TBX5: variants seen among roughly 807,000 people sequenced by gnomAD.
TBX5 encodes T-box transcription factor 5.
In TBX5, 8 loss-of-function variants were observed where a neutral mutation model predicts 51.1. The observed-to-expected ratio is 0.16, with a 90% CI of 0.09 to 0.28. The LOEUF (loss-of-function observed/expected upper bound fraction) is 0.28, where lower values mean the gene tolerates loss of function less well. Among genes scored for constraint, TBX5 ranks in the 10% least tolerant of loss-of-function variants. The pLI, the probability that TBX5 is intolerant of heterozygous loss-of-function variation, is 1.00. For synonymous variants in TBX5, 302 were observed against 266.4 expected (o/e 1.13, Z -1.30); for missense variants, 589 against 671.7 (o/e 0.88, Z 1.36).
chr12:114,408,172 T>C, upstream of TBX5: 1 of 985,250 alleles, frequency 1.0e-6, no homozygotes, highest in South Asian at 4.7e-5. Flanking sequence ...GAGGTAAATT[T>C]CTCTCCGTCT....
chr12:114,367,495 CT>C (rs1167982927), intron 7 of TBX5, among the ~76,000 whole-genome samples: 1 of 152,158 alleles, frequency 6.6e-6, no homozygotes, highest in African/African-American at 2.4e-5. Context: ...TCCACATTCC[CT>C]TACCTTCAGA....
chr12:114,370,651 C>CTA (rs1869847217), intron 7 of TBX5, among the ~76,000 whole-genome samples: 1 of 151,614 alleles, frequency 6.6e-6, no homozygotes, highest in Non-Finnish European at 1.5e-5. Flanking sequence ...CTCTCTCTCT[C>CTA]TCTCTCTCTC....
chr12:114,374,877 G>A (rs1360584883), intron 7 of TBX5, among the ~76,000 whole-genome samples: 1 of 152,160 alleles, frequency 6.6e-6, no homozygotes, highest in Non-Finnish European at 1.5e-5. Context: ...ATAAAAAGAA[G>A]GAGGGAGGGA....
chr12:114,358,651 AT>A (rs1239708644), intron 8 of TBX5, among the ~76,000 whole-genome samples: 2 of 152,138 alleles, frequency 1.3e-5, no homozygotes, highest in African/African-American at 4.8e-5. Flanking sequence ...TGTACCAAAA[AT>A]AAAAAAAAAA....
rs1262970772 is a variant in TBX5, at chr12:114,355,376, T to C, written c.*156A>G. 3 of 917,654 alleles carry C rather than the reference T, an allele frequency of 3.3e-6. No individual in the cohort carries two copies. The highest frequency in any genetic ancestry group is 5.2e-6 in the Non-Finnish European group (3 of 581,784). The allele number at this position is 917,654 out of a possible 1,614,324, so 56.8% of individuals were successfully genotyped here. On this transcript the variant is annotated 3_prime_UTR_variant, in exon 9 of 9. Coordinates refer to ENST00000405440, the MANE Select transcript of TBX5 (RefSeq NM_181486.4). The stretch of plus-strand genomic sequence containing the variant: ...TTGTGGTTTCAAGCTACTGATTAGA[T>C]CAGCATCCAGCGACCTTGAGTGCAG...
At chr12:114,396,465 G>A (rs1375657306) in intron 5 of TBX5, among the ~76,000 whole-genome samples, 1 of 152,172 alleles carries the variant, frequency 6.6e-6, no homozygotes, top group Non-Finnish European at 1.5e-5. Flanking sequence ...AGTCTCGGGT[G>A]GGAATGCCTG....
At chr12:114,366,044 G>T in intron 8 of TBX5, 121 bp downstream of exon 8, 1 of 1,132,820 alleles carries the variant, frequency 8.8e-7, no homozygotes, top group Non-Finnish European at 1.3e-6. Flanking sequence ...ATATTTTTGT[G>T]TTGTTTACAT....
chr12:114,408,163 A>G (rs954208487), upstream of TBX5: 403 of 985,216 alleles, frequency 4.1e-4, 2 homozygotes, highest in African/African-American at 6.5e-3. Context: ...CAGCGGCGGG[A>G]GGTAAATTTC....
At chr12:114,379,942 C>T (rs1296775754) in intron 7 of TBX5, among the ~76,000 whole-genome samples, 1 of 152,232 alleles carries the variant, frequency 6.6e-6, no homozygotes, top group Non-Finnish European at 1.5e-5. Context: ...TCCCTTCTAT[C>T]TCTACAATTC....
chr12:114,405,289 G>A (rs1301405756), intron 1 of TBX5, among the ~76,000 whole-genome samples: 1 of 152,052 alleles, frequency 6.6e-6, no homozygotes, highest in Admixed American at 6.5e-5. Flanking sequence ...AAGAAAGCAG[G>A]GCTGGCGCCC....
intron 4 of TBX5, among the ~76,000 whole-genome samples, chr12:114,399,124 G>C (rs1008222008): frequency 3.9e-5 from 6 of 152,156 alleles, no homozygotes; most frequent in South Asian, 2.1e-4. Context: ...CGAATACCAC[G>C]AGTCGATTTT....
intron 5 of TBX5, among the ~76,000 whole-genome samples, chr12:114,397,620 T>C (rs1565940490): frequency 1.3e-5 from 2 of 152,266 alleles, no homozygotes; most frequent in East Asian, 3.9e-4. Flanking sequence ...ACACATTCTT[T>C]TGGGTGGTGA....
intron 5 of TBX5, 88 bp from the exon 6 acceptor site, chr12:114,394,981 G>T (rs183169903): frequency 3.6e-4 from 494 of 1,365,688 alleles, no homozygotes; most frequent in Non-Finnish European, 4.4e-4. Context: ...CTCTAAATTC[G>T]CCTTGTTATA....
At chr12:114,369,244 G>GT (rs1191245710) in intron 7 of TBX5, among the ~76,000 whole-genome samples, 1 of 152,164 alleles carries the variant, frequency 6.6e-6, no homozygotes, top group Non-Finnish European at 1.5e-5. Context: ...ACAAGAGAAT[G>GT]TATCAATGGA....
chr12:114,387,990 C>T (rs924800603), intron 6 of TBX5, among the ~76,000 whole-genome samples: 2 of 152,008 alleles, frequency 1.3e-5, no homozygotes, highest in South Asian at 4.2e-4. Flanking sequence ...GCATGCACCA[C>T]CATGCTGGGC....
intron 7 of TBX5, among the ~76,000 whole-genome samples, chr12:114,376,092 CCCAGGGATATATGTATAT>C (rs1366838542): frequency 6.6e-6 from 1 of 151,952 alleles, no homozygotes; most frequent in Non-Finnish European, 1.5e-5. Flanking sequence ...TCTCATATGA[CCCAGGGATATATGTATAT>C]CCCTCTTCTA....
In TBX5 at chr12:114,394,756, G is replaced by T; in HGVS notation, c.648C>A (p.Ser216=). 6.2e-7 allele frequency: 1 copy of T among 1,614,178 alleles called. No individual in the cohort carries two copies. The highest frequency in any genetic ancestry group is 8.5e-7 in the Non-Finnish European group (1 of 1,180,032). The change falls in exon 6 of 9, where the codon TCC becomes TCA. Residue 216 remains serine (S), a synonymous_variant. Coordinates refer to ENST00000405440, the MANE Select transcript of TBX5 (RefSeq NM_181486.4). ...TCAGGCTTACCTTGTGGTTCTGGTA[G>T]GAAGTCACTGCTATAAACGCAGTCT... ...FPETAFIAVT[S]YQNHKITQLK...
intron 7 of TBX5, among the ~76,000 whole-genome samples, chr12:114,367,371 G>A (rs1233889227): frequency 6.6e-6 from 1 of 152,012 alleles, no homozygotes; most frequent in Non-Finnish European, 1.5e-5. Flanking sequence ...ACCCTCCCCT[G>A]AGCTTCAGGG....
rs1868754356 is a variant in TBX5, at chr12:114,354,459, G to A, written c.*1073C>T. On this transcript the variant is annotated 3_prime_UTR_variant, in exon 9 of 9. Coordinates refer to ENST00000405440, the MANE Select transcript of TBX5 (RefSeq NM_181486.4). ...CATTGGTGTGGGCGTGGTTTCTTTG[G>A]CGAGATATCATTGGTGACTGTGTCT... The A allele has an allele frequency of 6.6e-6, 1 of 152,066 alleles. No individual in the cohort carries two copies. Among genetic ancestry groups the A allele is most frequent in the South Asian group, 2.1e-4 (1 of 4,810 alleles). The allele number at this position is 152,066 out of a possible 1,614,324, so 9.4% of individuals were successfully genotyped here.
Sources: gnomAD v4.1 joint callset for allele counts (sites outside exome capture counted in the v4.1 genomes callset) on GRCh38, gnomAD v4.1.1 for gene constraint, MANE v1.5 for transcripts, NCBI Gene and HGNC (gene_info 2026-07-23, HGNC 2026-07-21) for gene names.